The following SNX29 variants were observed in gnomAD, a reference collection of about 807,000 sequenced individuals.
SNX29 encodes the protein sorting nexin 29.
A neutral mutation model predicts 102.1 loss-of-function variants in SNX29; 78 were observed. The ratio of observed to expected loss-of-function variants is 0.76; its 90% confidence interval spans 0.64 to 0.92. The LOEUF (loss-of-function observed/expected upper bound fraction) is 0.92. SNX29 is among the 40% of genes least tolerant of loss of function. The probability of loss-of-function intolerance (pLI) is 0.00; values close to 1 mark genes in which losing one functional copy is unlikely to be tolerated. For synonymous variants in SNX29, 580 were observed against 414.5 expected, an observed-to-expected ratio of 1.40 and a Z score of -4.85; for missense variants, 1,280 against 1,061.7, an observed-to-expected ratio of 1.21 and a Z score of -2.86.
At chr16:12,235,811 A>ATGTGTG (rs1567342031) in intron 14 of SNX29, among the ~76,000 whole-genome samples, 1 of 143,642 alleles carries the variant, frequency 7.0e-6, no homozygotes, top group African/African-American at 2.7e-5. Context: ...GTGTGTGTGT[A>ATGTGTG]TGTGTATGTG....
At chr16:12,419,775 C>T (rs1391964378) in intron 18 of SNX29, among the ~76,000 whole-genome samples, 1 of 152,190 alleles carries the variant, frequency 6.6e-6, no homozygotes, top group African/African-American at 2.4e-5. Flanking sequence ...TAGGCCATAC[C>T]ACGTGTCTGC....
intron 6 of SNX29, among the ~76,000 whole-genome samples, chr16:12,048,076 G>A (rs1373126409): frequency 1.3e-5 from 2 of 151,892 alleles, no homozygotes; most frequent in Non-Finnish European, 2.9e-5. Flanking sequence ...TCATTTTCCT[G>A]GCTGTTAGGG....
chr16:12,244,898 C>G (rs555009460), intron 14 of SNX29, among the ~76,000 whole-genome samples: 2 of 152,258 alleles, frequency 1.3e-5, no homozygotes, highest in African/African-American at 2.4e-5. Context: ...TTTGTGTTCT[C>G]AAAAGAACAG....
At chr16:12,124,210 G>T (rs1173624742) in intron 11 of SNX29, among the ~76,000 whole-genome samples, 1 of 152,060 alleles carries the variant, frequency 6.6e-6, no homozygotes, top group Non-Finnish European at 1.5e-5. Context: ...ACAAAAATTA[G>T]CCAGGCGTGG....
chr16:12,211,140 C>A (rs193290618), intron 14 of SNX29, among the ~76,000 whole-genome samples: 4 of 152,078 alleles, frequency 2.6e-5, no homozygotes, highest in South Asian at 2.1e-4. Context: ...GTCAGGGCAC[C>A]GTTTCATTCA....
intron 13 of SNX29, among the ~76,000 whole-genome samples, chr16:12,194,825 C>G (rs897530028): frequency 6.6e-6 from 1 of 151,860 alleles, no homozygotes; most frequent in Non-Finnish European, 1.5e-5. Flanking sequence ...TGGGGTTTCA[C>G]CATGTTGGCC....
intron 18 of SNX29, among the ~76,000 whole-genome samples, chr16:12,447,056 A>C (rs2086089826): frequency 6.7e-6 from 1 of 149,234 alleles, no homozygotes; most frequent in African/African-American, 2.5e-5. Flanking sequence ...AGTCCCAGCT[A>C]CTTGGGAGGC....
chr16:12,422,864 A>G (rs1446601418), intron 18 of SNX29, among the ~76,000 whole-genome samples: 1 of 152,258 alleles, frequency 6.6e-6, no homozygotes, highest in Non-Finnish European at 1.5e-5. Context: ...ACAGTCTCTC[A>G]GGATGAGGCT....
chr16:12,398,869 C>G (rs2083827230), intron 17 of SNX29, among the ~76,000 whole-genome samples: 1 of 152,200 alleles, frequency 6.6e-6, no homozygotes, highest in Admixed American at 6.5e-5. Context: ...CATGTGCCGT[C>G]CAATTGACCA....
chr16:12,301,633 T>A (rs2080177078), intron 15 of SNX29, among the ~76,000 whole-genome samples: 1 of 152,258 alleles, frequency 6.6e-6, no homozygotes, highest in African/African-American at 2.4e-5. Flanking sequence ...TTGTTGGCTC[T>A]TTATGGTCCA....
intron 20 of SNX29, among the ~76,000 whole-genome samples, chr16:12,533,905 C>T (rs984554019): frequency 6.6e-6 from 1 of 152,208 alleles, no homozygotes; most frequent in Non-Finnish European, 1.5e-5. Context: ...GGCAGAAATG[C>T]ACATCTTCAT....
chr16:12,048,858 T>G (rs2050193986), intron 7 of SNX29, among the ~76,000 whole-genome samples: 1 of 152,066 alleles, frequency 6.6e-6, no homozygotes, highest in Non-Finnish European at 1.5e-5. Flanking sequence ...AAACGGAAAG[T>G]GAGAGTGTGA....
intron 20 of SNX29, among the ~76,000 whole-genome samples, chr16:12,564,913 G>T (rs528883425): frequency 7.2e-6 from 1 of 139,130 alleles, no homozygotes; most frequent in African/African-American, 2.8e-5. Context: ...CTGCAGCAGG[G>T]ACTGGAGGGA....
chr16:12,045,672 C>T (rs1346133712), intron 5 of SNX29, among the ~76,000 whole-genome samples: 2 of 146,894 alleles, frequency 1.4e-5, no homozygotes, highest in African/African-American at 5.0e-5. Context: ...TGCTCTTTCG[C>T]CCAAGCTGGA....
chr16:12,516,711 A>C (rs773319435), intron 19 of SNX29, among the ~76,000 whole-genome samples: 8 of 152,328 alleles, frequency 5.3e-5, no homozygotes, highest in African/African-American at 1.9e-4. Flanking sequence ...GATGAAAAGA[A>C]AAAGAACTTT....
chr16:12,523,402 C>G (rs968551248), intron 19 of SNX29, among the ~76,000 whole-genome samples: 5 of 152,232 alleles, frequency 3.3e-5, no homozygotes, highest in Non-Finnish European at 7.3e-5. Flanking sequence ...CTCTTTGTTT[C>G]TTCACCTTGC....
chr16:12,446,366 T>C (rs1184109451), intron 18 of SNX29, among the ~76,000 whole-genome samples: 1 of 152,186 alleles, frequency 6.6e-6, no homozygotes, highest in South Asian at 2.1e-4. Context: ...CCATTTGTTT[T>C]TGAGACAAGG....
intron 11 of SNX29, among the ~76,000 whole-genome samples, chr16:12,107,575 T>G (rs912403266): frequency 3.3e-5 from 5 of 152,058 alleles, no homozygotes; most frequent in African/African-American, 1.2e-4. Context: ...AGACAGAGGT[T>G]GCAGTGAGCT....
At chr16:12,371,843 CTA>C (rs2082695188) in intron 16 of SNX29, among the ~76,000 whole-genome samples, 2 of 152,184 alleles carry the variant, frequency 1.3e-5, no homozygotes, top group Admixed American at 1.3e-4. Flanking sequence ...CGCCTTCGCC[CTA>C]TGTCTTTTCG....
Sources: gnomAD v4.1 joint callset for allele counts (sites outside exome capture counted in the v4.1 genomes callset) on GRCh38, gnomAD v4.1.1 for gene constraint, MANE v1.5 for transcripts, NCBI Gene and HGNC (gene_info 2026-07-23, HGNC 2026-07-21) for gene names.